NRG1: variants seen among roughly 807,000 people sequenced by gnomAD.
NRG1 encodes neuregulin 1, also known as pro-neuregulin-1, membrane-bound isoform.
In NRG1, 18 loss-of-function variants were observed where a neutral mutation model predicts 63.8. The observed-to-expected ratio is 0.28, with a 90% CI of 0.19 to 0.42. NRG1 has a LOEUF of 0.42. Ranked by LOEUF, NRG1 falls within the 10% of genes least tolerant of loss-of-function variation. The probability of loss-of-function intolerance (pLI) is 1.00; values close to 1 mark genes in which losing one functional copy is unlikely to be tolerated. For synonymous variants in NRG1, 302 were observed against 301.3 expected (o/e 1.00, Z -0.02); for missense variants, 762 against 814.7 (o/e 0.94, Z 0.79).
chr8:32,047,374 A>G (rs1426619541), intron 1 of NRG1, among the ~76,000 whole-genome samples: 1 of 152,134 alleles, frequency 6.6e-6, no homozygotes, highest in Non-Finnish European at 1.5e-5. Flanking sequence ...ATAAAAAGAT[A>G]AAGGCAGCTG....
At chr8:32,453,479 C>T (rs1821228348) in intron 1 of NRG1, among the ~76,000 whole-genome samples, 1 of 152,134 alleles carries the variant, frequency 6.6e-6, no homozygotes, top group Admixed American at 6.5e-5. Flanking sequence ...CGTGTGTAAA[C>T]ATTTTCTTAT....
intron 1 of NRG1, among the ~76,000 whole-genome samples, chr8:31,849,471 T>G (rs529563437): frequency 6.6e-6 from 1 of 152,360 alleles, no homozygotes; most frequent in African/African-American, 2.4e-5. Context: ...TTGCCTGTTA[T>G]AAACCTGTGA....
At chr8:32,395,146 T>C (rs1208534354) in intron 1 of NRG1, among the ~76,000 whole-genome samples, 1 of 152,178 alleles carries the variant, frequency 6.6e-6, no homozygotes, top group Non-Finnish European at 1.5e-5. Flanking sequence ...TACAAAGTAC[T>C]ATGTGGATAA....
intron 7 of NRG1, among the ~76,000 whole-genome samples, chr8:32,744,066 C>A (rs1269003123): frequency 6.6e-6 from 1 of 152,042 alleles, no homozygotes; most frequent in Non-Finnish European, 1.5e-5. Context: ...TGTCACATAG[C>A]TTACTGCAGT....
chr8:32,609,115 G>A (rs1221312137), intron 3 of NRG1, among the ~76,000 whole-genome samples: 1 of 152,156 alleles, frequency 6.6e-6, no homozygotes, highest in Non-Finnish European at 1.5e-5. Flanking sequence ...CAGCTCACCT[G>A]GGCCTGTGGC....
intron 5 of NRG1, among the ~76,000 whole-genome samples, chr8:32,671,404 C>T (rs1186926281): frequency 6.6e-6 from 1 of 152,034 alleles, no homozygotes; most frequent in Admixed American, 6.5e-5. Flanking sequence ...CATCAGAGAG[C>T]CTTCATAACA....
intron 1 of NRG1, among the ~76,000 whole-genome samples, chr8:32,228,491 T>C (rs1441666692): frequency 2.6e-5 from 4 of 152,176 alleles, no homozygotes; most frequent in Non-Finnish European, 1.5e-5. Context: ...AAAAAGATGA[T>C]ACCCACTTGT....
At chr8:31,926,404 T>C (rs928263651) in intron 1 of NRG1, among the ~76,000 whole-genome samples, 1 of 152,140 alleles carries the variant, frequency 6.6e-6, no homozygotes, top group Non-Finnish European at 1.5e-5. Context: ...GATCTTGGTC[T>C]GTCAAGTTCT....
At chr8:32,197,491 C>T (rs893837022) in intron 1 of NRG1, among the ~76,000 whole-genome samples, 2 of 152,170 alleles carry the variant, frequency 1.3e-5, no homozygotes, top group Non-Finnish European at 2.9e-5. Context: ...AAATGTGCCT[C>T]GTAGGTTGCC....
At chr8:32,154,302 A>G (rs1837824842) in intron 1 of NRG1, among the ~76,000 whole-genome samples, 1 of 151,324 alleles carries the variant, frequency 6.6e-6, no homozygotes, top group Non-Finnish European at 1.5e-5. Context: ...TCTTCCTCTC[A>G]AGAGAGTAAT....
chr8:32,362,952 C>T (rs1807422035), intron 1 of NRG1, among the ~76,000 whole-genome samples: 1 of 152,078 alleles, frequency 6.6e-6, no homozygotes, highest in Non-Finnish European at 1.5e-5. Flanking sequence ...AGCAGAGGGG[C>T]CCTCATTAGA....
chr8:31,742,470 T>TTTTTTTTTTTC (rs1815389804), intron 1 of NRG1, among the ~76,000 whole-genome samples: 1 of 142,560 alleles, frequency 7.0e-6, no homozygotes, highest in Non-Finnish European at 1.5e-5. Context: ...TTTTTTTTTT[T>TTTTTTTTTTTC]TTTTTTTTTT....
chr8:32,713,748 TA>T (rs1235477699), intron 5 of NRG1, among the ~76,000 whole-genome samples: 1 of 144,750 alleles, frequency 6.9e-6, no homozygotes, highest in Non-Finnish European at 1.5e-5. Context: ...ATATTTGTTA[TA>T]AATATATTAT....
In NRG1 at chr8:32,279,559, G is replaced by A. The variant is rs542304700; in HGVS notation, c.38-316269G>A. 1.4e-4 allele frequency among the ~76,000 whole-genome samples: 21 copies of A among 152,192 alleles called. No homozygotes were observed. In the East Asian group the frequency reaches 3.5e-3, roughly 25 times the overall value. On this transcript the variant is annotated intron_variant, in intron 1 of 10. Transcript: ENST00000519301. ...GTAGAGATGGGGTTTCACTATGTTG[G>A]CCAGAATGGTCTCGATCTCCTGATC...
intron 1 of NRG1, among the ~76,000 whole-genome samples, chr8:32,528,532 G>A (rs1433101565): frequency 6.6e-6 from 1 of 152,218 alleles, no homozygotes; most frequent in African/African-American, 2.4e-5. Flanking sequence ...GCCTGAATTA[G>A]TGATAGCAAC....
chr8:32,585,598 G>A (rs1215212129), intron 1 of NRG1, among the ~76,000 whole-genome samples: 1 of 152,220 alleles, frequency 6.6e-6, no homozygotes, highest in Non-Finnish European at 1.5e-5. Flanking sequence ...GTGAGATACA[G>A]CACTGTTCAC....
At chr8:31,907,359 T>G (rs915392155) in intron 1 of NRG1, among the ~76,000 whole-genome samples, 1 of 151,966 alleles carries the variant, frequency 6.6e-6, no homozygotes, top group Non-Finnish European at 1.5e-5. Flanking sequence ...TTTTTTTTTT[T>G]TTTTAAGTAT....
At position 32,308,049 on chromosome 8, in the gene NRG1, C is replaced by A. The variant is rs534100873; in HGVS notation, c.38-287779C>A. Among the ~76,000 whole-genome samples, 18 of 152,268 alleles carry A rather than the reference C, an allele frequency of 1.2e-4. No homozygotes were observed. The South Asian group carries it at 3.7e-3, about 32-fold the overall frequency. On this transcript the variant is annotated intron_variant, in intron 1 of 10. Coordinates refer to the NRG1 transcript ENST00000519301. ...TGTTCTGGAAAACGGGAACCATGCT[C>A]CATTTTCAACCTGCACTCACCCACT...
intron 1 of NRG1, among the ~76,000 whole-genome samples, chr8:32,127,775 G>A (rs1257136169): frequency 6.6e-6 from 1 of 151,698 alleles, no homozygotes; most frequent in Non-Finnish European, 1.5e-5. Flanking sequence ...CAGTGGGATG[G>A]TGATTCATGG....
Sources: gnomAD v4.1 joint callset for allele counts (sites outside exome capture counted in the v4.1 genomes callset) on GRCh38, gnomAD v4.1.1 for gene constraint, MANE v1.5 for transcripts, NCBI Gene and HGNC (gene_info 2026-07-23, HGNC 2026-07-21) for gene names.